Variants in SNRPG observed in about 807,000 individuals in gnomAD.
SNRPG encodes small nuclear ribonucleoprotein polypeptide G.
Under a neutral mutation model 13.9 loss-of-function variants are expected in SNRPG, and 3 were observed. That is an observed-to-expected ratio of 0.22 (90% CI 0.10 to 0.56). SNRPG has a LOEUF of 0.56. Among genes scored for constraint, SNRPG ranks in the 20% least tolerant of loss-of-function variants. The pLI, the probability that SNRPG is intolerant of heterozygous loss-of-function variation, is 0.93. For synonymous variants in SNRPG, 29 were observed against 29.3 expected (o/e 0.99, Z 0.03); for missense variants, 34 against 96.1 (o/e 0.35, Z 2.70).
At chr2:70,287,185 A>G in intron 3 of SNRPG, 1 of 620,862 alleles carries the variant, frequency 1.6e-6, no homozygotes, top group South Asian at 1.9e-5. Flanking sequence ...GAGATGTCAA[A>G]ATAGGTCTAT....
At chr2:70,281,827 C>G in intron 3 of SNRPG, 143 bp from the exon 4 acceptor site, 1 of 554,894 alleles carries the variant, frequency 1.8e-6, no homozygotes. Flanking sequence ...CACAGGGACA[C>G]CAAACAACTC....
intron 3 of SNRPG, 41 bp downstream of exon 3, chr2:70,288,027 A>C: frequency 6.2e-7 from 1 of 1,601,548 alleles, no homozygotes; most frequent in Non-Finnish European, 8.5e-7. Flanking sequence ...ATTCCAAAAG[A>C]AAAATGAAAT....
At chr2:70,285,019 T>C (rs1696904369) in intron 3 of SNRPG, among the ~76,000 whole-genome samples, 1 of 152,198 alleles carries the variant, frequency 6.6e-6, no homozygotes, top group Non-Finnish European at 1.5e-5. Context: ...TAATCAGTTA[T>C]CTCAGTTTTA....
At position 70,283,113 on chromosome 2, in the gene SNRPG, A is replaced by AC. The variant is rs1559041545; in HGVS notation, c.181-1430_181-1429insG. On this transcript the variant is annotated intron_variant, in intron 3 of 3. Coordinates refer to ENST00000272348, the MANE Select transcript of SNRPG (RefSeq NM_003096.4). ...TCTTTTGTCAAAAAAAAAAAAAAAA[A>AC]AAAAAAAAAAACAACAAACCAAAAC... is the stretch of plus-strand genomic sequence containing the variant. Among the ~76,000 whole-genome samples the AC allele has an allele frequency of 6.8e-5, 10 of 147,730 alleles. 1 individual carries two copies. The highest frequency in any genetic ancestry group is 4.3e-4 in the South Asian group (2 of 4,690).
Position 70,288,170 on chromosome 2 carries a change from A to G in SNRPG, c.78T>C (p.His26=). The change falls in exon 3 of 4, where the codon CAT becomes CAC. Residue 26 remains histidine (H), a synonymous_variant. Transcript: ENST00000272348. Reference sequence around the variant, plus strand: ...CAAATCCCCGCAATATTCCTTGGACATGTCTGCCACCATTTAATTTCACTA... The same window carrying G: ...CAAATCCCCGCAATATTCCTTGGACGTGTCTGCCACCATTTAATTTCACTA... ...KLSLKLNGGR[H]VQGILRGFDP... 1 of 1,612,624 alleles carries G rather than the reference A, an allele frequency of 6.2e-7. No individual in the cohort carries two copies. Among genetic ancestry groups the G allele is most frequent in the Non-Finnish European group, 8.5e-7 (1 of 1,178,758 alleles).
intron 3 of SNRPG, among the ~76,000 whole-genome samples, chr2:70,285,580 G>A (rs1475335783): frequency 3.9e-5 from 6 of 152,024 alleles, no homozygotes; most frequent in South Asian, 2.1e-4. Flanking sequence ...ATACACACGC[G>A]CGTGCACACA....
chr2:70,283,799 C>A (rs1696874102), intron 3 of SNRPG, among the ~76,000 whole-genome samples: 1 of 152,194 alleles, frequency 6.6e-6, no homozygotes, highest in Non-Finnish European at 1.5e-5. Context: ...TGGCTCACGC[C>A]TATAATCTCA....
rs982316409 is a variant in SNRPG, at chr2:70,281,386, A to G, written c.*248T>C. 6.4e-6 allele frequency: 2 copies of G among 312,594 alleles called. No individual in the cohort carries two copies. Among genetic ancestry groups the G allele is most frequent in the African/African-American group, 2.2e-5 (1 of 45,726 alleles). 19.4% of individuals were successfully genotyped at this position (312,594 alleles called of 1,614,324 possible). ...ATCCTTGCCATGTTTCACATTTAAT[A>G]AGATTCTTTCACTTTAATGCATAAA... is the stretch of plus-strand genomic sequence containing the variant. On this transcript the variant is annotated 3_prime_UTR_variant, in exon 4 of 4. Transcript: ENST00000272348.
intron 3 of SNRPG, among the ~76,000 whole-genome samples, chr2:70,283,020 G>A (rs4350771): frequency 0.062 from 9,224 of 149,514 alleles, 359 homozygotes; most frequent in East Asian, 0.18. Flanking sequence ...ACTTGAACCC[G>A]GGAGGCGGAG....
chr2:70,285,235 G>C (rs1027604748), intron 3 of SNRPG, among the ~76,000 whole-genome samples: 38 of 152,144 alleles, frequency 2.5e-4, no homozygotes, highest in African/African-American at 9.2e-4. Flanking sequence ...CAAGATTTAT[G>C]GTAAGGACGA....
At chr2:70,283,317 G>A (rs1304822042) in intron 3 of SNRPG, among the ~76,000 whole-genome samples, 1 of 151,952 alleles carries the variant, frequency 6.6e-6, no homozygotes, top group Non-Finnish European at 1.5e-5. Context: ...GAATTGGATA[G>A]GTGAATGGAG....
chr2:70,291,844 TCAC>T (rs1697105761), intron 1 of SNRPG, among the ~76,000 whole-genome samples: 1 of 150,058 alleles, frequency 6.7e-6, no homozygotes, highest in Non-Finnish European at 1.5e-5. Context: ...AAAAAAAAAA[TCAC>T]CATTTCACCA....
intron 3 of SNRPG, among the ~76,000 whole-genome samples, chr2:70,284,704 C>T (rs925218181): frequency 1.3e-5 from 2 of 152,060 alleles, no homozygotes; most frequent in Non-Finnish European, 2.9e-5. Context: ...ATTTTAAATT[C>T]TCAATTTTTT....
intron 3 of SNRPG, among the ~76,000 whole-genome samples, chr2:70,284,211 A>G (rs1696884091): frequency 6.6e-6 from 1 of 152,146 alleles, no homozygotes; most frequent in African/African-American, 2.4e-5. Flanking sequence ...GCTGCAGTGC[A>G]GTGGCTATTC....
intron 1 of SNRPG, 187 bp downstream of exon 1, chr2:70,293,431 C>G: frequency 1.5e-6 from 1 of 673,662 alleles, no homozygotes; most frequent in East Asian, 2.6e-5. Flanking sequence ...GTAACCACAC[C>G]GACGCGCGAG....
intron 3 of SNRPG, among the ~76,000 whole-genome samples, chr2:70,283,096 C>CAAAAAAAAAAAAAAAAAAAAAA (rs57862220): frequency 2.1e-4 from 3 of 14,040 alleles, no homozygotes; most frequent in African/African-American, 6.8e-4. Flanking sequence ...TGTCTTTTGT[C>CAAAAAAAAAAAAAAAAAAAAAA]AAAAAAAAAA....
chr2:70,284,143 C>G (rs759375735), intron 3 of SNRPG, among the ~76,000 whole-genome samples: 1 of 152,172 alleles, frequency 6.6e-6, no homozygotes, highest in Non-Finnish European at 1.5e-5. Flanking sequence ...CACTCTTCTT[C>G]TAAGTTAACA....
intron 3 of SNRPG, among the ~76,000 whole-genome samples, chr2:70,287,003 CAA>C (rs1696957831): frequency 6.6e-6 from 1 of 152,170 alleles, no homozygotes; most frequent in Admixed American, 6.5e-5. Flanking sequence ...ACCTGAAAGA[CAA>C]GTCAATTTAC....
At position 70,293,724 on chromosome 2, in the gene SNRPG, G is replaced by GCAAGACGCCGGGCCTACA; in HGVS notation, c.-76_-75insTGTAGGCCCGGCGTCTTG. Reference sequence around the variant, plus strand: ...TTCCTCACGCTCCCGCTGTAGGCCCGGCGTCTTGCGTCTGGCGTCATCGAC... The same window carrying GCAAGACGCCGGGCCTACA: ...TTCCTCACGCTCCCGCTGTAGGCCCGCAAGACGCCGGGCCTACAGCGTCTTGCGTCTGGCGTCATCGAC... On this transcript the variant is annotated 5_prime_UTR_variant, in exon 1 of 4. Coordinates refer to ENST00000272348, the MANE Select transcript of SNRPG (RefSeq NM_003096.4). The GCAAGACGCCGGGCCTACA allele has an allele frequency of 7.1e-7, 1 of 1,412,066 alleles. No homozygotes were observed. The highest frequency in any genetic ancestry group is 1.0e-6 in the Non-Finnish European group (1 of 996,052). 87.5% of individuals were successfully genotyped at this position (1,412,066 alleles called of 1,614,324 possible). A position where few individuals can be genotyped will look rare whatever the true frequency, so the allele number is the denominator to read the frequency against.
Sources: allele counts gnomAD v4.1 joint callset (sites outside exome capture counted in the v4.1 genomes callset), GRCh38; gene constraint gnomAD v4.1.1; transcripts MANE v1.5; gene names NCBI Gene and HGNC (gene_info 2026-07-23, HGNC 2026-07-21).